ZFAT: variants seen among roughly 807,000 people sequenced by gnomAD.
The protein encoded by ZFAT is zinc finger protein ZFAT.
ZFAT carries 64 observed loss-of-function variants against 117.7 expected under a neutral mutation model. That is an observed-to-expected ratio of 0.54 (90% confidence interval 0.44 to 0.67). The LOEUF (loss-of-function observed/expected upper bound fraction) is 0.67, where lower values mean the gene tolerates loss of function less well. Among genes scored for constraint, ZFAT ranks in the 30% least tolerant of loss-of-function variants. ZFAT has a pLI of 0.00. For missense variants in ZFAT, 1,433 were observed against 1,584.5 expected (o/e 0.90, Z 1.62); for synonymous variants, 679 against 615.0 (o/e 1.10, Z -1.54).
intron 1 of ZFAT, among the ~76,000 whole-genome samples, chr8:134,681,894 A>C (rs1833087675): frequency 6.6e-6 from 1 of 152,250 alleles, no homozygotes; most frequent in Non-Finnish European, 1.5e-5. Context: ...ATAAAGTCTC[A>C]TATGTGCAGC....
chr8:134,720,905 C>T, the ZFAT span, among the ~76,000 whole-genome samples: 3 of 152,198 alleles, frequency 2.0e-5, no homozygotes, highest in Non-Finnish European at 2.9e-5. Flanking sequence ...CTTCATTTCA[C>T]ATAGCCTTCA....
At chr8:134,770,927 G>A in the ZFAT span, among the ~76,000 whole-genome samples, 1 of 148,744 alleles carries the variant, frequency 6.7e-6, no homozygotes, top group African/African-American at 2.5e-5. Context: ...ATAAATTTTG[G>A]TCAGACCGAT....
chr8:134,658,238 G>A (rs748881823), intron 1 of ZFAT, among the ~76,000 whole-genome samples: 3 of 151,168 alleles, frequency 2.0e-5, no homozygotes, highest in Non-Finnish European at 2.9e-5. Flanking sequence ...TCGGGAGGCT[G>A]AGGCAGGAGG....
chr8:134,714,543 G>A (rs7008957), upstream of ZFAT, among the ~76,000 whole-genome samples: 58,222 of 151,928 alleles, frequency 0.38, 11,391 homozygotes, highest in South Asian at 0.44. Flanking sequence ...GAGACTGCCC[G>A]CCTGCTCCTT....
intron 1 of ZFAT, among the ~76,000 whole-genome samples, chr8:134,670,045 G>A (rs2131259558): frequency 6.6e-6 from 1 of 152,312 alleles, no homozygotes; most frequent in South Asian, 2.1e-4. Context: ...TCAACAAGAA[G>A]AGCTAACTAT....
Position 134,637,721 on chromosome 8 carries a change from G to GA in ZFAT, c.197-10dup. ...CTTCATGACCAAAAACTCTACAGAG[G>GA]AAACAAGAGGGCACAATGGAATCAC... On this transcript the variant is annotated splice_polypyrimidine_tract_variant and intron_variant, in intron 2 of 15. Transcript: ENST00000377838. 1.2e-6 allele frequency: 2 copies of GA among 1,611,076 alleles called. No homozygotes were observed. The highest frequency in any genetic ancestry group is 1.7e-6 in the Non-Finnish European group (2 of 1,177,892).
At chr8:134,485,113 TAAG>T (rs760414957) in intron 15 of ZFAT, among the ~76,000 whole-genome samples, 1 of 152,190 alleles carries the variant, frequency 6.6e-6, no homozygotes, top group Non-Finnish European at 1.5e-5. Context: ...CACGGCACCC[TAAG>T]AAGTCTTAGT....
At chr8:134,709,266 A>G (rs952619699) in intron 1 of ZFAT, among the ~76,000 whole-genome samples, 1 of 152,210 alleles carries the variant, frequency 6.6e-6, no homozygotes, top group Non-Finnish European at 1.5e-5. Flanking sequence ...ATGACAATGT[A>G]CTGAGCTGTA....
the ZFAT span, among the ~76,000 whole-genome samples, chr8:134,773,358 C>T: frequency 1.3e-5 from 2 of 152,178 alleles, no homozygotes; most frequent in Non-Finnish European, 2.9e-5. Context: ...ACGAAAGATT[C>T]TTTTCAAACC....
At chr8:134,695,654 G>A (rs1833794700) in intron 1 of ZFAT, among the ~76,000 whole-genome samples, 1 of 138,540 alleles carries the variant, frequency 7.2e-6, no homozygotes, top group African/African-American at 2.8e-5. Context: ...CCCCAAGCCT[G>A]GGTCATCTCT....
intron 1 of ZFAT, among the ~76,000 whole-genome samples, chr8:134,678,908 C>G (rs909061698): frequency 6.6e-6 from 1 of 152,158 alleles, no homozygotes; most frequent in African/African-American, 2.4e-5. Flanking sequence ...GAAACTGGAT[C>G]CCTTCCTTAC....
chr8:134,672,198 C>A (rs1208280526), intron 1 of ZFAT, among the ~76,000 whole-genome samples: 2 of 152,338 alleles, frequency 1.3e-5, no homozygotes, highest in South Asian at 4.1e-4. Flanking sequence ...TTTATAGATT[C>A]AATGCCATCC....
the ZFAT span, among the ~76,000 whole-genome samples, chr8:134,826,449 A>C: frequency 6.6e-6 from 1 of 152,262 alleles, no homozygotes; most frequent in Non-Finnish European, 1.5e-5. Flanking sequence ...CTCACATGTA[A>C]AATAAAAACA....
intron 1 of ZFAT, among the ~76,000 whole-genome samples, chr8:134,685,711 A>G (rs1833286624): frequency 6.6e-6 from 1 of 152,218 alleles, no homozygotes; most frequent in African/African-American, 2.4e-5. Context: ...ACTGTCAAGC[A>G]GAAAGCACAG....
chr8:134,628,161 G>A (rs138756652), intron 3 of ZFAT, among the ~76,000 whole-genome samples: 42 of 152,310 alleles, frequency 2.8e-4, no homozygotes, highest in African/African-American at 9.4e-4. Context: ...AGAAGGGACA[G>A]ATGACAGGAT....
At chr8:134,659,602 A>G (rs1831828969) in intron 1 of ZFAT, among the ~76,000 whole-genome samples, 2 of 152,158 alleles carry the variant, frequency 1.3e-5, no homozygotes, top group Admixed American at 6.5e-5. Context: ...ACCCTCTCTG[A>G]TGATTGTTCT....
At chr8:134,529,882 T>C (rs1452763465) in intron 12 of ZFAT, among the ~76,000 whole-genome samples, 2 of 152,198 alleles carry the variant, frequency 1.3e-5, no homozygotes, top group East Asian at 3.8e-4. Flanking sequence ...GGGAACACAC[T>C]GTAAACCACC....
At chr8:134,577,578 A>G (rs1046650572) in intron 10 of ZFAT, among the ~76,000 whole-genome samples, 3 of 152,242 alleles carry the variant, frequency 2.0e-5, no homozygotes, top group East Asian at 1.9e-4. Flanking sequence ...CATGCAAGGC[A>G]CTTTACATTT....
the ZFAT span, among the ~76,000 whole-genome samples, chr8:134,787,007 C>T: frequency 1.3e-5 from 2 of 151,950 alleles, no homozygotes; most frequent in African/African-American, 4.8e-5. Context: ...TGCCACTGCA[C>T]CCAGTTAATT....
Sources: allele counts gnomAD v4.1 joint callset (sites outside exome capture counted in the v4.1 genomes callset), GRCh38; gene constraint gnomAD v4.1.1; transcripts MANE v1.5; gene names NCBI Gene and HGNC (gene_info 2026-07-23, HGNC 2026-07-21).